Variants in CYB5R4 observed in about 807,000 individuals in gnomAD.
The protein encoded by CYB5R4 is N-terminal cytochrome b5 and cytochrome b5 oxidoreductase domain-containing protein.
Under a neutral mutation model 70.2 loss-of-function variants are expected in CYB5R4, and 55 were observed. The ratio of observed to expected loss-of-function variants is 0.78; its 90% confidence interval spans 0.63 to 0.98. The LOEUF is 0.98. Ranked by LOEUF, CYB5R4 falls within the 50% of genes least tolerant of loss-of-function variation. CYB5R4 has a pLI of 0.00. For synonymous variants in CYB5R4, 197 were observed against 199.5 expected, an observed-to-expected ratio of 0.99 and a Z score of 0.11; for missense variants, 562 against 612.6, an observed-to-expected ratio of 0.92 and a Z score of 0.87.
intron 12 of CYB5R4, among the ~76,000 whole-genome samples, chr6:83,938,834 TA>T (rs1215480177): frequency 6.6e-6 from 1 of 150,778 alleles, no homozygotes; most frequent in African/African-American, 2.5e-5. Context: ...CTATTATTAT[TA>T]TTTTTTTTTT....
chr6:83,894,785 A>AC (rs11437465), intron 3 of CYB5R4, among the ~76,000 whole-genome samples: 23,838 of 152,152 alleles, frequency 0.16, 3,678 homozygotes, highest in African/African-American at 0.38. Context: ...AAATATATTT[A>AC]TATTCCTTAA....
At chr6:83,932,578 C>G (rs770961453) in intron 10 of CYB5R4, among the ~76,000 whole-genome samples, 3 of 152,196 alleles carry the variant, frequency 2.0e-5, no homozygotes, top group Non-Finnish European at 4.4e-5. Flanking sequence ...ACGTGACTGT[C>G]TCCAGCCACA....
At chr6:83,940,747 T>C (rs1272058146) in intron 14 of CYB5R4, 146 bp downstream of exon 14, 4 of 1,024,806 alleles carry the variant, frequency 3.9e-6, no homozygotes, top group South Asian at 1.9e-5. Flanking sequence ...CTAGAAATCA[T>C]GTTAAATGTT....
At chr6:83,899,541 T>A (rs982373518) in intron 3 of CYB5R4, among the ~76,000 whole-genome samples, 1 of 152,212 alleles carries the variant, frequency 6.6e-6, no homozygotes, top group Non-Finnish European at 1.5e-5. Flanking sequence ...GAAGGAATAG[T>A]ACCAGCTCCT....
intron 4 of CYB5R4, among the ~76,000 whole-genome samples, chr6:83,911,458 AC>A (rs2099464669): frequency 6.6e-6 from 1 of 152,120 alleles, no homozygotes; most frequent in Non-Finnish European, 1.5e-5. Context: ...TGGCAACAAG[AC>A]TGAGCTCTTA....
At chr6:83,886,658 T>C (rs779721714) in intron 2 of CYB5R4, among the ~76,000 whole-genome samples, 5 of 152,220 alleles carry the variant, frequency 3.3e-5, no homozygotes, top group Non-Finnish European at 7.3e-5. Flanking sequence ...AGGATGTTTC[T>C]GTGTACTGTT....
chr6:83,959,966 C>A lies in CYB5R4; in HGVS notation c.*88C>A. ...TTTAAGAGAACATTTTTGTACATAA[C>A]AAAAGGTTAACTAGAATCCAGCCTT... On this transcript the variant is annotated 3_prime_UTR_variant, in exon 16 of 16. Transcript: ENST00000369681. 1 of 1,009,304 alleles carries A rather than the reference C, an allele frequency of 9.9e-7. No individual in the cohort carries two copies. The highest frequency in any genetic ancestry group is 1.4e-6 in the Non-Finnish European group (1 of 708,442). The allele number at this position is 1,009,304 out of a possible 1,614,324, so 62.5% of individuals were successfully genotyped here.
chr6:83,921,081 G>A lies in CYB5R4; in HGVS notation c.565-1G>A, dbSNP rs2099466304. The A allele has an allele frequency of 6.7e-7, 1 of 1,489,888 alleles. No individual in the cohort carries two copies. Among genetic ancestry groups the A allele is most frequent in the Non-Finnish European group, 9.0e-7 (1 of 1,107,330 alleles). 92.3% of individuals were successfully genotyped at this position (1,489,888 alleles called of 1,614,324 possible). On this transcript the variant is annotated splice_acceptor_variant, in intron 7 of 15. Transcript: ENST00000369681. LOFTEE classifies it high-confidence loss of function. ...CTTTCTATTTTTGCTTTCTCTTTAA[G>A]GATATCAATTTAGACTCAATAATAG... is the stretch of plus-strand genomic sequence containing the variant.
intron 3 of CYB5R4, among the ~76,000 whole-genome samples, chr6:83,903,955 G>A (rs2099463391): frequency 6.6e-6 from 1 of 151,732 alleles, no homozygotes; most frequent in African/African-American, 2.4e-5. Flanking sequence ...CTAGCTAGTG[G>A]CTTATCAATT....
intron 3 of CYB5R4, among the ~76,000 whole-genome samples, chr6:83,901,771 A>C (rs2099463010): frequency 6.6e-6 from 1 of 150,950 alleles, no homozygotes; most frequent in Non-Finnish European, 1.5e-5. Flanking sequence ...TTTGATTTGC[A>C]TGTCCCTGAT....
At chr6:83,946,286 C>T (rs944592553) in intron 14 of CYB5R4, among the ~76,000 whole-genome samples, 7 of 152,116 alleles carry the variant, frequency 4.6e-5, no homozygotes, top group Non-Finnish European at 1.0e-4. Context: ...AATCAATAAA[C>T]GTATTGCATC....
chr6:83,947,520 G>A (rs1404996303), intron 14 of CYB5R4, among the ~76,000 whole-genome samples: 1 of 152,150 alleles, frequency 6.6e-6, no homozygotes, highest in East Asian at 1.9e-4. Flanking sequence ...AACTCCAAAA[G>A]CAATTGCAAC....
intron 5 of CYB5R4, among the ~76,000 whole-genome samples, chr6:83,915,252 T>C (rs899563512): frequency 2.6e-5 from 4 of 152,204 alleles, no homozygotes; most frequent in African/African-American, 7.2e-5. Context: ...CTGAACTATA[T>C]TGATGTACAT....
At chr6:83,880,450 A>G (rs1490054165) in intron 2 of CYB5R4, among the ~76,000 whole-genome samples, 1 of 152,182 alleles carries the variant, frequency 6.6e-6, no homozygotes, top group Non-Finnish European at 1.5e-5. Context: ...AAATGAACCC[A>G]TGAAGTTGAA....
intron 2 of CYB5R4, among the ~76,000 whole-genome samples, chr6:83,870,706 T>A (rs1349539612): frequency 6.6e-6 from 1 of 152,052 alleles, no homozygotes; most frequent in Non-Finnish European, 1.5e-5. Context: ...TCTTGGCAGA[T>A]TTTTGAACAA....
intron 11 of CYB5R4, among the ~76,000 whole-genome samples, chr6:83,935,910 T>TACA (rs2099468844): frequency 6.6e-6 from 1 of 152,030 alleles, no homozygotes; most frequent in Non-Finnish European, 1.5e-5. Flanking sequence ...TGTAGCCCAT[T>TACA]ACAAAGTTTA....
intron 15 of CYB5R4, among the ~76,000 whole-genome samples, chr6:83,958,697 GTA>G (rs2129146606): frequency 6.6e-6 from 1 of 152,282 alleles, no homozygotes; most frequent in East Asian, 1.9e-4. Context: ...CTTTGTGTGA[GTA>G]TGTGTATGCC....
At chr6:83,879,771 G>A (rs2099459168) in intron 2 of CYB5R4, among the ~76,000 whole-genome samples, 1 of 152,138 alleles carries the variant, frequency 6.6e-6, no homozygotes, top group East Asian at 1.9e-4. Context: ...AAAAAGAGTT[G>A]GCAAGTGGGG....
intron 2 of CYB5R4, among the ~76,000 whole-genome samples, chr6:83,882,761 G>A (rs1302894703): frequency 1.3e-5 from 2 of 152,178 alleles, no homozygotes; most frequent in Non-Finnish European, 2.9e-5. Context: ...CCCGAGGTGG[G>A]TGGATCACGA....
Sources: allele counts gnomAD v4.1 joint callset (sites outside exome capture counted in the v4.1 genomes callset), GRCh38; gene constraint gnomAD v4.1.1; transcripts MANE v1.5; gene names NCBI Gene and HGNC (gene_info 2026-07-23, HGNC 2026-07-21).